SLC24A3: variants seen among roughly 807,000 people sequenced by gnomAD.
SLC24A3 encodes solute carrier family 24 member 3, also known as sodium/potassium/calcium exchanger 3.
SLC24A3 carries 28 observed loss-of-function variants against 75.8 expected under a neutral mutation model. The observed-to-expected ratio is 0.37, with a 90% confidence interval of 0.27 to 0.51. SLC24A3 has a LOEUF of 0.51. Among genes scored for constraint, SLC24A3 ranks in the 20% least tolerant of loss-of-function variants. The pLI, the probability that SLC24A3 is intolerant of heterozygous loss-of-function variation, is 0.94. For missense variants in SLC24A3, 663 were observed against 847.8 expected, an observed-to-expected ratio of 0.78 and a Z score of 2.71; for synonymous variants, 372 against 334.1, an observed-to-expected ratio of 1.11 and a Z score of -1.24.
intron 2 of SLC24A3, among the ~76,000 whole-genome samples, chr20:19,514,699 G>C (rs1247681226): frequency 6.6e-6 from 1 of 152,214 alleles, no homozygotes; most frequent in Non-Finnish European, 1.5e-5. Flanking sequence ...AGGGACAGGA[G>C]GCCTGGTTAG....
intron 2 of SLC24A3, among the ~76,000 whole-genome samples, chr20:19,475,991 A>T (rs1463894269): frequency 6.6e-6 from 1 of 152,248 alleles, no homozygotes; most frequent in African/African-American, 2.4e-5. Context: ...AGCCTTGGCC[A>T]AATCAGACAG....
At chr20:19,459,052 A>G (rs1263326969) in intron 2 of SLC24A3, among the ~76,000 whole-genome samples, 2 of 152,208 alleles carry the variant, frequency 1.3e-5, no homozygotes, top group African/African-American at 4.8e-5. Flanking sequence ...CCCTGGGATC[A>G]TTGAAATATT....
intron 2 of SLC24A3, among the ~76,000 whole-genome samples, chr20:19,512,086 G>T (rs541754376): frequency 6.6e-6 from 1 of 152,288 alleles, no homozygotes; most frequent in East Asian, 1.9e-4. Context: ...GGCTCTCATT[G>T]CCCCATGGAG....
intron 3 of SLC24A3, among the ~76,000 whole-genome samples, chr20:19,553,860 C>A: frequency 6.6e-6 from 1 of 152,210 alleles, no homozygotes; most frequent in South Asian, 2.1e-4. Context: ...CACAGGCCAG[C>A]CTGTGCATTT....
intron 2 of SLC24A3, among the ~76,000 whole-genome samples, chr20:19,380,713 A>G (rs1171488097): frequency 6.6e-6 from 1 of 152,112 alleles, no homozygotes; most frequent in Non-Finnish European, 1.5e-5. Flanking sequence ...TGAAATCTGG[A>G]GTGAGAGGGG....
At chr20:19,226,923 C>T (rs992754355) in intron 1 of SLC24A3, among the ~76,000 whole-genome samples, 1 of 152,058 alleles carries the variant, frequency 6.6e-6, no homozygotes, top group African/African-American at 2.4e-5. Flanking sequence ...TTTTCCATGC[C>T]TTCACTTTGA....
intron 2 of SLC24A3, among the ~76,000 whole-genome samples, chr20:19,418,625 T>C (rs578001284): frequency 2.0e-5 from 3 of 151,792 alleles, no homozygotes; most frequent in African/African-American, 7.2e-5. Context: ...GTTGACTACT[T>C]TGAAAGGGCT....
intron 2 of SLC24A3, among the ~76,000 whole-genome samples, chr20:19,292,476 C>T (rs1230381698): frequency 1.3e-5 from 2 of 152,206 alleles, no homozygotes; most frequent in Non-Finnish European, 2.9e-5. Flanking sequence ...GTCACATGAA[C>T]AGCCTGTCAG....
At chr20:19,316,478 C>A (rs908576339) in intron 2 of SLC24A3, among the ~76,000 whole-genome samples, 18 of 152,240 alleles carry the variant, frequency 1.2e-4, no homozygotes, top group African/African-American at 4.3e-4. Context: ...TTTGACAGGA[C>A]AGGGTTTCCC....
At chr20:19,256,366 G>T (rs1320185274) in intron 1 of SLC24A3, among the ~76,000 whole-genome samples, 24 of 152,182 alleles carry the variant, frequency 1.6e-4, no homozygotes, top group Non-Finnish European at 2.4e-4. Flanking sequence ...TGGATGCAAA[G>T]TGTCTTTTTG....
intron 2 of SLC24A3, among the ~76,000 whole-genome samples, chr20:19,496,783 G>A (rs60693688): frequency 0.059 from 8,903 of 152,138 alleles, 782 homozygotes; most frequent in African/African-American, 0.19. Flanking sequence ...GAGTGTAGAA[G>A]CACTCTGGGA....
chr20:19,615,148 G>C (rs2031721167), intron 6 of SLC24A3, among the ~76,000 whole-genome samples: 1 of 152,062 alleles, frequency 6.6e-6, no homozygotes, highest in Non-Finnish European at 1.5e-5. Context: ...TTATGTTTTT[G>C]GTGGGGGAAG....
chr20:19,259,303 C>T (rs1982912111), intron 1 of SLC24A3, among the ~76,000 whole-genome samples: 1 of 152,192 alleles, frequency 6.6e-6, no homozygotes, highest in South Asian at 2.1e-4. Context: ...AAGGACCCAG[C>T]ATGCAGGAGC....
At chr20:19,591,598 A>C (rs534465350) in intron 6 of SLC24A3, among the ~76,000 whole-genome samples, 1 of 151,924 alleles carries the variant, frequency 6.6e-6, no homozygotes, top group African/African-American at 2.4e-5. Flanking sequence ...TGGCCACCAC[A>C]TCTCATTCCC....
In SLC24A3 at chr20:19,611,360, G is replaced by C. The variant is rs547333944; in HGVS notation, c.612+25816G>C. Among the ~76,000 whole-genome samples the C allele has an allele frequency of 8.3e-5, 12 of 144,178 alleles. No homozygotes were observed. In the South Asian group the frequency reaches 2.7e-3, roughly 32 times the overall value. The allele number at this position is 144,178 out of a possible 152,430, so 94.6% of individuals were successfully genotyped here. ...GGAACAGAGAAGAAAAGAAGTGGCT[G>C]TAACCCGTTGAGAGATTTTTTGAAT... is the stretch of plus-strand genomic sequence containing the variant. On this transcript the variant is annotated intron_variant, in intron 6 of 16. Transcript: ENST00000328041.
intron 2 of SLC24A3, among the ~76,000 whole-genome samples, chr20:19,501,998 G>A (rs949974841): frequency 6.6e-6 from 1 of 152,086 alleles, no homozygotes; most frequent in African/African-American, 2.4e-5. Flanking sequence ...TTGGTTTGCA[G>A]TCGCTTATGA....
At chr20:19,498,443 ACC>A (rs1219819001) in intron 2 of SLC24A3, among the ~76,000 whole-genome samples, 2 of 131,168 alleles carry the variant, frequency 1.5e-5, no homozygotes, top group African/African-American at 5.9e-5. Context: ...CCCCTCCCCC[ACC>A]CCCACACCTT....
chr20:19,277,461 AC>A (rs138014073), intron 1 of SLC24A3, among the ~76,000 whole-genome samples: 1 of 152,330 alleles, frequency 6.6e-6, no homozygotes, highest in African/African-American at 2.4e-5. Context: ...TGACCCTAGA[AC>A]CAACTGCCTC....
chr20:19,290,177 C>A (rs1485225258), intron 2 of SLC24A3, among the ~76,000 whole-genome samples: 1 of 152,066 alleles, frequency 6.6e-6, no homozygotes, highest in East Asian at 1.9e-4. Flanking sequence ...CCTCCAGGGG[C>A]TTGTGAGGCA....
Sources: allele counts gnomAD v4.1 joint callset (sites outside exome capture counted in the v4.1 genomes callset), GRCh38; gene constraint gnomAD v4.1.1; transcripts MANE v1.5; gene names NCBI Gene and HGNC (gene_info 2026-07-23, HGNC 2026-07-21).